The following HMGB1 variants were observed in gnomAD, a reference collection of about 807,000 sequenced individuals.
HMGB1 encodes high mobility group protein B1.
For synonymous variants in HMGB1, 81 were observed against 84.0 expected (o/e 0.96, Z 0.19); for missense variants, 79 against 253.5 (o/e 0.31, Z 4.67).
intron 1 of HMGB1, among the ~76,000 whole-genome samples, chr13:30,592,050 C>T (rs1428005233): frequency 6.6e-6 from 1 of 151,684 alleles, no homozygotes; most frequent in East Asian, 1.9e-4. Flanking sequence ...GGAAAATTGT[C>T]AAAATTAGCT....
intron 1 of HMGB1, among the ~76,000 whole-genome samples, chr13:30,489,753 G>A (rs1334674637): frequency 1.0e-5 from 1 of 95,488 alleles, no homozygotes; most frequent in African/African-American, 3.4e-5. Context: ...TTTTTTTCCT[G>A]AGACGGAGTC....
At chr13:30,490,177 T>C (rs1391039044) in intron 1 of HMGB1, among the ~76,000 whole-genome samples, 1 of 152,154 alleles carries the variant, frequency 6.6e-6, no homozygotes, top group African/African-American at 2.4e-5. Flanking sequence ...TAAATATGTT[T>C]AGTGTTGTCA....
chr13:30,513,774 C>G (rs1262862432), intron 1 of HMGB1, among the ~76,000 whole-genome samples: 2 of 152,318 alleles, frequency 1.3e-5, no homozygotes, highest in Non-Finnish European at 1.5e-5. Context: ...CACAAGGCTT[C>G]TCATGATCCA....
chr13:30,589,869 CAA>C lies in HMGB1; in HGVS notation c.-15+26800_-15+26801del, dbSNP rs78862948. On this transcript the variant is annotated intron_variant, in intron 1 of 4. Coordinates refer to the HMGB1 transcript ENST00000405805. ...TGGGCAACAGAGTGAGACTCTGTCT[CAA>C]AAAAAAAAAAAGGAAGACTCGAGGG... Among the ~76,000 whole-genome samples the C allele has an allele frequency of 3.5e-3, 431 of 121,906 alleles. 2 individuals carry two copies. The highest frequency in any genetic ancestry group is 0.011 in the African/African-American group (385 of 34,730). The allele number at this position is 121,906 out of a possible 152,430, so 80.0% of individuals were successfully genotyped here. A position where few individuals can be genotyped will look rare whatever the true frequency, so the allele number is the denominator to read the frequency against.
chr13:30,538,683 TC>T lies in HMGB1; in HGVS notation c.-14-74990del, dbSNP rs1352749281. Among the ~76,000 whole-genome samples, 233 of 25,832 alleles carry T rather than the reference TC, an allele frequency of 9.0e-3. 16 individuals are homozygous for T. The highest frequency in any genetic ancestry group is 0.068 in the South Asian group (55 of 810). The allele number at this position is 25,832 out of a possible 152,430, so 16.9% of individuals were successfully genotyped here. A position where few individuals can be genotyped will look rare whatever the true frequency, so the allele number is the denominator to read the frequency against. ...TCTTTCCTTTCTTTCTTTCTTTCTT[TC>T]CTTTCTTTCTTTCTTTCTTTTTCTT... On this transcript the variant is annotated intron_variant, in intron 1 of 4. Transcript: ENST00000405805.
chr13:30,535,448 AC>A (rs1868384649), intron 1 of HMGB1, among the ~76,000 whole-genome samples: 2 of 152,226 alleles, frequency 1.3e-5, no homozygotes, highest in African/African-American at 4.8e-5. Flanking sequence ...CTAGTAACTC[AC>A]AAAAAAGGTG....
rs1886157135 is a variant in HMGB1, at chr13:30,459,338, C to T, written c.*2019G>A. ...GAATAAACCCTAAAAAAACTGTTCC[C>T]ATTCTCAACATCTTAAAAAAATGGT... On this transcript the variant is annotated 3_prime_UTR_variant, in exon 5 of 5. Transcript: ENST00000341423. 6.6e-6 allele frequency: 1 copy of T among 152,120 alleles called. No homozygotes were observed. The allele number at this position is 152,120 out of a possible 1,614,324, so 9.4% of individuals were successfully genotyped here.
At chr13:30,589,697 C>A (rs1339566304) in intron 1 of HMGB1, among the ~76,000 whole-genome samples, 2 of 151,962 alleles carry the variant, frequency 1.3e-5, no homozygotes, top group Non-Finnish European at 2.9e-5. Context: ...AGCGAAACCC[C>A]ATCTCTACTA....
chr13:30,560,947 T>TG (rs1369148281), intron 1 of HMGB1, among the ~76,000 whole-genome samples: 1 of 151,890 alleles, frequency 6.6e-6, no homozygotes, highest in Non-Finnish European at 1.5e-5. Context: ...ATATGTTTTT[T>TG]TTTTTTTCTC....
At chr13:30,604,200 G>A (rs1950431555) in intron 1 of HMGB1, among the ~76,000 whole-genome samples, 1 of 152,108 alleles carries the variant, frequency 6.6e-6, no homozygotes, top group African/African-American at 2.4e-5. Flanking sequence ...GGGATCTGTA[G>A]GCACTTACAG....
chr13:30,586,479 G>GTTTTTTTTTTTTTTTTTTTTTTTTTTT (rs11315470), intron 1 of HMGB1, among the ~76,000 whole-genome samples: 1 of 105,068 alleles, frequency 9.5e-6, no homozygotes, highest in Non-Finnish European at 2.0e-5. Context: ...GGTTTTTTTT[G>GTTTTTTTTTTTTTTTTTTTTTTTTTTT]TTTTTTTTTT....
chr13:30,501,409 G>A (rs1887732840), intron 1 of HMGB1, among the ~76,000 whole-genome samples: 1 of 152,110 alleles, frequency 6.6e-6, no homozygotes, highest in Non-Finnish European at 1.5e-5. Flanking sequence ...GGAGTGCAGT[G>A]GCTGGCCTTC....
At chr13:30,488,870 C>T (rs570965859) in intron 1 of HMGB1, among the ~76,000 whole-genome samples, 1 of 151,826 alleles carries the variant, frequency 6.6e-6, no homozygotes, top group South Asian at 2.1e-4. Flanking sequence ...CCTCCACACA[C>T]CTAACATACA....
chr13:30,490,389 G>A (rs1380908335), intron 1 of HMGB1, among the ~76,000 whole-genome samples: 1 of 152,130 alleles, frequency 6.6e-6, no homozygotes, highest in Non-Finnish European at 1.5e-5. Context: ...GGAGGCCGAG[G>A]TGGGCAGATC....
intron 1 of HMGB1, among the ~76,000 whole-genome samples, chr13:30,582,751 A>G (rs1314950745): frequency 6.6e-6 from 1 of 152,162 alleles, no homozygotes; most frequent in East Asian, 1.9e-4. Flanking sequence ...ATCTAATATA[A>G]CCCCACGTAA....
chr13:30,556,963 A>T (rs1193462683), intron 1 of HMGB1, among the ~76,000 whole-genome samples: 1 of 152,230 alleles, frequency 6.6e-6, no homozygotes, highest in Non-Finnish European at 1.5e-5. Context: ...CCCTGATCTG[A>T]TAACTATAAA....
At chr13:30,491,411 C>T (rs950875246) in intron 1 of HMGB1, among the ~76,000 whole-genome samples, 2 of 141,576 alleles carry the variant, frequency 1.4e-5, no homozygotes, top group South Asian at 2.1e-4. Flanking sequence ...AGGCTGGGCA[C>T]GGTGGCTCAT....
chr13:30,531,640 C>T (rs896018612), intron 1 of HMGB1, among the ~76,000 whole-genome samples: 12 of 151,846 alleles, frequency 7.9e-5, no homozygotes, highest in African/African-American at 2.2e-4. Flanking sequence ...TGGCTCACGC[C>T]TGTAATCCCA....
chr13:30,564,750 C>A (rs182501568), intron 1 of HMGB1, among the ~76,000 whole-genome samples: 1 of 152,246 alleles, frequency 6.6e-6, no homozygotes, highest in African/African-American at 2.4e-5. Context: ...TTCAAATTAA[C>A]CTCATGATAT....
Sources: gnomAD v4.1 joint callset for allele counts (sites outside exome capture counted in the v4.1 genomes callset) on GRCh38, gnomAD v4.1.1 for gene constraint, MANE v1.5 for transcripts, NCBI Gene and HGNC (gene_info 2026-07-23, HGNC 2026-07-21) for gene names.